Variants in CHD2 observed in about 807,000 individuals in gnomAD.
CHD2 encodes the protein ATP-dependent chromatin remodeler CHD2.
CHD2 carries 28 observed loss-of-function variants against 243.9 expected under a neutral mutation model. The observed-to-expected ratio is 0.11, with a 90% CI of 0.09 to 0.16. CHD2 has a LOEUF of 0.16. CHD2 is among the 10% of genes least tolerant of loss of function. CHD2 has a pLI of 1.00. For synonymous variants in CHD2, 775 were observed against 779.0 expected (o/e 0.99, Z 0.09); for missense variants, 1,386 against 2,209.8 (o/e 0.63, Z 7.47).
intron 5 of CHD2, among the ~76,000 whole-genome samples, chr15:92,936,029 A>AC (rs1303985048): frequency 6.6e-6 from 1 of 152,088 alleles, no homozygotes; most frequent in Non-Finnish European, 1.5e-5. Context: ...GTGTACAAGG[A>AC]CCCATCTACT....
At chr15:93,016,328 G>A (rs920419357) in intron 37 of CHD2, among the ~76,000 whole-genome samples, 1 of 152,148 alleles carries the variant, frequency 6.6e-6, no homozygotes, top group African/African-American at 2.4e-5. Context: ...GCAGGGAGTA[G>A]AACAGTAGTT....
At chr15:92,942,822 G>C (rs761091898) in intron 8 of CHD2, 21 bp from the exon 9 acceptor site, 1 of 1,570,014 alleles carries the variant, frequency 6.4e-7, no homozygotes, top group Non-Finnish European at 8.6e-7. Context: ...TCTCTTTCAA[G>C]TGTACTTAAT....
In CHD2 at chr15:92,939,668, T is replaced by C. The variant is rs2053325593; in HGVS notation, c.642T>C (p.Asp214=). Residue 214 remains aspartate, a synonymous_variant, in exon 7 of 39, where the codon GAT becomes GAC. Coordinates refer to ENST00000394196, the MANE Select transcript of CHD2 (RefSeq NM_001271.4). ...ATTCTTCTGATGAGGATGATGATGA[T>C]GACGAAGCTCCCAAAAGGCAGACTC... The part of the protein sequence containing the change: ...KQDSSDEDDD[D]DEAPKRQTRR... The C allele has an allele frequency of 1.9e-6, 3 of 1,614,028 alleles. No individual in the cohort carries two copies. The highest frequency in any genetic ancestry group is 1.1e-5 in the South Asian group (1 of 91,082).
intron 13 of CHD2, among the ~76,000 whole-genome samples, chr15:92,952,732 C>G (rs2053569781): frequency 6.6e-6 from 1 of 152,204 alleles, no homozygotes; most frequent in Non-Finnish European, 1.5e-5. Flanking sequence ...GAATCCTGGT[C>G]TGGTCTAAGG....
At chr15:92,967,257 T>C (rs1297040147) in intron 16 of CHD2, 68 bp from the exon 17 acceptor site, 3 of 1,135,814 alleles carry the variant, frequency 2.6e-6, no homozygotes, top group South Asian at 1.6e-5. Flanking sequence ...TTCATTTTTT[T>C]ACAGTTTTTT....
At chr15:92,937,455 C>A (rs575146880) in intron 5 of CHD2, 63 bp from the exon 6 acceptor site, 38 of 1,248,148 alleles carry the variant, frequency 3.0e-5, no homozygotes, top group African/African-American at 6.1e-5. Flanking sequence ...TTGGTTTTGT[C>A]GGATTATTTA....
intron 13 of CHD2, among the ~76,000 whole-genome samples, chr15:92,951,256 C>T (rs368631078): frequency 2.6e-5 from 4 of 152,200 alleles, no homozygotes; most frequent in East Asian, 3.9e-4. Context: ...CTGCAACCTC[C>T]GATTCCCAGG....
At chr15:93,022,519 C>T (rs955364984) in intron 38 of CHD2, among the ~76,000 whole-genome samples, 4 of 152,186 alleles carry the variant, frequency 2.6e-5, no homozygotes, top group African/African-American at 7.2e-5. Flanking sequence ...AGAACAGGCA[C>T]GATGCCAGTT....
At chr15:92,904,401 TG>T in intron 2 of CHD2, 3 of 969,668 alleles carry the variant, frequency 3.1e-6, no homozygotes, top group Non-Finnish European at 3.7e-6. Flanking sequence ...ACGGCTCCCC[TG>T]GGGGGCGGGG....
chr15:92,975,099 A>G, intron 20 of CHD2, 149 bp downstream of exon 20: 1 of 635,100 alleles, frequency 1.6e-6, no homozygotes, highest in East Asian at 3.0e-5. Context: ...CATATAAAAG[A>G]TGGTGTTTTG....
At chr15:92,904,789 AG>A in intron 2 of CHD2, 1 of 1,435,476 alleles carries the variant, frequency 7.0e-7, no homozygotes, top group Non-Finnish European at 9.1e-7. Flanking sequence ...GCCCCCGTTC[AG>A]TGTGAAGAGA....
At position 92,969,924 on chromosome 15, in the gene CHD2, C is replaced by CT. The variant is rs1429196459; in HGVS notation, c.2190-1831dup. On this transcript the variant is annotated intron_variant, in intron 17 of 38. Transcript: ENST00000394196. The stretch of plus-strand genomic sequence containing the variant: ...TTTCTTTTTACAGGTTTTGTTTTTA[C>CT]TTTTTTTTTTGCTTTTTAAGGTTAT... Among the ~76,000 whole-genome samples the CT allele has an allele frequency of 5.9e-3, 825 of 140,732 alleles. 4 individuals are homozygous for CT. Among genetic ancestry groups the CT allele is most frequent in the African/African-American group, 0.018 (688 of 38,452 alleles). The allele number at this position is 140,732 out of a possible 152,430, so 92.3% of individuals were successfully genotyped here.
intron 7 of CHD2, among the ~76,000 whole-genome samples, chr15:92,941,566 C>G (rs898906357): frequency 6.6e-6 from 1 of 151,890 alleles, no homozygotes; most frequent in African/African-American, 2.4e-5. Flanking sequence ...TTTTCTATAT[C>G]TTGCTTATAC....
intron 19 of CHD2, among the ~76,000 whole-genome samples, chr15:92,972,808 G>A (rs1335340559): frequency 3.6e-5 from 4 of 110,068 alleles, no homozygotes; most frequent in African/African-American, 1.3e-4. Context: ...CCGAGATCCC[G>A]CCACTGCACT....
chr15:92,935,537 T>A (rs1200462366), intron 5 of CHD2, among the ~76,000 whole-genome samples: 4 of 152,228 alleles, frequency 2.6e-5, no homozygotes, highest in Non-Finnish European at 5.9e-5. Flanking sequence ...TTAGAATTTA[T>A]TGGTGAATCT....
At position 93,013,928 on chromosome 15, in the gene CHD2, CAAAAAAAAAAA is replaced by C. The variant is rs35774813; in HGVS notation, c.4693-750_4693-740del. ...CCTGCGACAGAGTGAGACTCTGTCTCAAAAAAAAAAAAAAAAAAAAAAAAAAAATACAGAAA... is the reference window on the plus strand; with the variant it reads ...CCTGCGACAGAGTGAGACTCTGTCTCAAAAAAAAAAAAAAAAATACAGAAA... On this transcript the variant is annotated intron_variant, in intron 36 of 38. Coordinates refer to ENST00000394196, the MANE Select transcript of CHD2 (RefSeq NM_001271.4). Among the ~76,000 whole-genome samples, 8 of 64,154 alleles carry C rather than the reference CAAAAAAAAAAA, an allele frequency of 1.2e-4. 1 individual carries two copies. In the South Asian group the frequency reaches 2.0e-3, roughly 16 times the overall value. 42.1% of individuals were successfully genotyped at this position (64,154 alleles called of 152,430 possible).
chr15:93,020,650 C>T (rs555147512), intron 38 of CHD2: 1 of 346,598 alleles, frequency 2.9e-6, no homozygotes, highest in Non-Finnish European at 5.3e-6. Context: ...GAGTCAAAGT[C>T]TTCTGAAGCT....
intron 19 of CHD2, chr15:92,974,032 C>T (rs1163371092): frequency 6.6e-6 from 1 of 152,198 alleles, no homozygotes; most frequent in Non-Finnish European, 1.5e-5. Context: ...CCAGCCAAGT[C>T]ACCTTTCAGG....
Position 93,024,862 on chromosome 15 carries a change from C to A in CHD2, c.*157C>A. On this transcript the variant is annotated 3_prime_UTR_variant, in exon 39 of 39. Coordinates refer to ENST00000394196, the MANE Select transcript of CHD2 (RefSeq NM_001271.4). Reference sequence around the variant, plus strand: ...AAGGAGCACTTCAAGGAATGGGAGGCCTTTCACTGGGTCCAGCTCTGATTC... The same window carrying A: ...AAGGAGCACTTCAAGGAATGGGAGGACTTTCACTGGGTCCAGCTCTGATTC... 1 of 655,386 alleles carries A rather than the reference C, an allele frequency of 1.5e-6. No homozygotes were observed. The highest frequency in any genetic ancestry group is 2.6e-6 in the Non-Finnish European group (1 of 389,990). 40.6% of individuals were successfully genotyped at this position (655,386 alleles called of 1,614,324 possible). A position where few individuals can be genotyped will look rare whatever the true frequency, so the allele number is the denominator to read the frequency against.
Sources: gnomAD v4.1 joint callset for allele counts (sites outside exome capture counted in the v4.1 genomes callset) on GRCh38, gnomAD v4.1.1 for gene constraint, MANE v1.5 for transcripts, NCBI Gene and HGNC (gene_info 2026-07-23, HGNC 2026-07-21) for gene names.